The following GXYLT1 variants were observed in gnomAD, a reference collection of about 807,000 sequenced individuals.
GXYLT1 encodes glycosyltransferase 8 domain containing 3.
GXYLT1 carries 29 observed loss-of-function variants against 54.0 expected under a neutral mutation model. That is an observed-to-expected ratio of 0.54 (90% confidence interval 0.40 to 0.73). The LOEUF is 0.73. GXYLT1 is among the 30% of genes least tolerant of loss of function. GXYLT1 has a pLI of 0.00. For synonymous variants in GXYLT1, 176 were observed against 204.1 expected (o/e 0.86, Z 1.17); for missense variants, 490 against 553.4 (o/e 0.89, Z 1.15).
At chr12:42,114,300 A>G (rs1330868835) in intron 3 of GXYLT1, among the ~76,000 whole-genome samples, 3 of 152,256 alleles carry the variant, frequency 2.0e-5, no homozygotes, top group African/African-American at 7.2e-5. Context: ...TGAAGGAAAC[A>G]GAGACACAAA....
intron 2 of GXYLT1, among the ~76,000 whole-genome samples, chr12:42,128,199 T>C (rs1026677756): frequency 6.6e-6 from 1 of 152,124 alleles, no homozygotes; most frequent in Admixed American, 6.5e-5. Flanking sequence ...CACAGCAAGG[T>C]GTCTACAGAT....
chr12:42,106,050 T>G lies in GXYLT1; in HGVS notation c.632A>C (p.Asp211Ala). Residue 211 changes from aspartate to alanine, a missense_variant, in exon 5 of 8, where the codon GAC becomes GCC. Around this residue, in one of 2 missense-constraint regions of GXYLT1, gnomAD observed 342 missense variants for 342.6 expected, o/e 1.00. Transcript: ENST00000398675. ...ATCAGTGTCGACATACAATAGTGAG[T>G]CAACTTCTTTCAGGATTAACTACAA... Reference protein sequence around the residue: ...LFLPLILKEVDSLLYVDTDIL... With the variant: ...LFLPLILKEVASLLYVDTDIL... 6.2e-7 allele frequency: 1 copy of G among 1,604,730 alleles called. No individual in the cohort carries two copies. Among genetic ancestry groups the G allele is most frequent in the African/African-American group, 1.3e-5 (1 of 74,816 alleles).
intron 3 of GXYLT1, among the ~76,000 whole-genome samples, chr12:42,110,445 A>C (rs1224640134): frequency 6.6e-6 from 1 of 152,240 alleles, no homozygotes; most frequent in East Asian, 1.9e-4. Flanking sequence ...CTTTTGAATT[A>C]TGATAGTGTT....
At chr12:42,132,116 C>T (rs2065596654) in intron 1 of GXYLT1, among the ~76,000 whole-genome samples, 1 of 152,124 alleles carries the variant, frequency 6.6e-6, no homozygotes, top group African/African-American at 2.4e-5. Context: ...TCAACTTGTA[C>T]TTTAAGTTAC....
intron 3 of GXYLT1, among the ~76,000 whole-genome samples, chr12:42,116,841 T>C (rs989567858): frequency 6.6e-6 from 1 of 152,138 alleles, no homozygotes; most frequent in African/African-American, 2.4e-5. Context: ...ATGTTTATTG[T>C]GGCACTATTC....
intron 1 of GXYLT1, among the ~76,000 whole-genome samples, chr12:42,138,678 G>A (rs577574432): frequency 6.6e-5 from 10 of 152,104 alleles, no homozygotes; most frequent in South Asian, 2.1e-4. Flanking sequence ...AAGTTTATAC[G>A]TAGGGGAAGT....
chr12:42,100,029 A>T (rs2065380799), intron 5 of GXYLT1, among the ~76,000 whole-genome samples: 1 of 152,182 alleles, frequency 6.6e-6, no homozygotes, highest in Non-Finnish European at 1.5e-5. Flanking sequence ...TACTGAATTT[A>T]GTGCTTTTTC....
At chr12:42,111,343 C>T (rs1052699860) in intron 3 of GXYLT1, among the ~76,000 whole-genome samples, 3 of 152,204 alleles carry the variant, frequency 2.0e-5, no homozygotes, top group Non-Finnish European at 4.4e-5. Context: ...TCGCCTCACC[C>T]GGGAAGAGCA....
intron 3 of GXYLT1, among the ~76,000 whole-genome samples, chr12:42,110,317 T>A: frequency 6.6e-6 from 1 of 152,236 alleles, no homozygotes; most frequent in East Asian, 1.9e-4. Context: ...TCAGTTTAAG[T>A]ATTATCTCTC....
chr12:42,108,675 G>C (rs1411188525), intron 4 of GXYLT1, among the ~76,000 whole-genome samples: 2 of 152,070 alleles, frequency 1.3e-5, no homozygotes, highest in Non-Finnish European at 2.9e-5. Context: ...TGGTTAGACT[G>C]ACTTTTTTAT....
intron 2 of GXYLT1, among the ~76,000 whole-genome samples, chr12:42,126,469 A>G (rs1165156299): frequency 6.6e-6 from 1 of 152,226 alleles, no homozygotes; most frequent in African/African-American, 2.4e-5. Context: ...TTTTAAAGAC[A>G]TAAAGCCAGG....
intron 1 of GXYLT1, among the ~76,000 whole-genome samples, chr12:42,139,262 T>TTCCTCCTCCAAAAGCACA (rs2065638491): frequency 6.6e-6 from 1 of 152,152 alleles, no homozygotes; most frequent in African/African-American, 2.4e-5. Context: ...ACCAAGTAAC[T>TTCCTCCTCCAAAAGCACA]TTCTCCTCCA....
At chr12:42,126,561 C>A (rs2065563578) in intron 2 of GXYLT1, among the ~76,000 whole-genome samples, 1 of 152,126 alleles carries the variant, frequency 6.6e-6, no homozygotes, top group East Asian at 1.9e-4. Flanking sequence ...AATATGAAGA[C>A]CATACTACAC....
intron 1 of GXYLT1, among the ~76,000 whole-genome samples, chr12:42,142,284 C>T (rs527768768): frequency 6.6e-6 from 1 of 151,934 alleles, no homozygotes; most frequent in African/African-American, 2.4e-5. Context: ...ATGATTTATA[C>T]ATGAAGAGGT....
intron 7 of GXYLT1, among the ~76,000 whole-genome samples, chr12:42,092,788 C>G (rs531508801): frequency 2.0e-5 from 3 of 152,086 alleles, no homozygotes; most frequent in Non-Finnish European, 4.4e-5. Context: ...CTTTTGGCTT[C>G]CCTAGGCCAC....
In GXYLT1 at chr12:42,087,856, T is replaced by TA; in HGVS notation, c.1252dup (p.Tyr418LeufsTer61). The TA allele has an allele frequency of 6.2e-7, 1 of 1,605,366 alleles. No individual in the cohort carries two copies. Among genetic ancestry groups the TA allele is most frequent in the African/African-American group, 1.3e-5 (1 of 74,814 alleles). ...TGCTAGTTGTTTGATAAATATTTTG[T>TA]AAATTTTTCCACAGTATGTATGCAC... On this transcript the variant is annotated frameshift_variant, in exon 8 of 8. Coordinates refer to ENST00000398675, the MANE Select transcript of GXYLT1 (RefSeq NM_173601.2). LOFTEE classifies it high-confidence loss of function.
In GXYLT1 at chr12:42,110,198, C is replaced by T. The variant is rs111665412; in HGVS notation, c.487-507G>A. 7.5e-3 allele frequency among the ~76,000 whole-genome samples: 1,140 copies of T among 152,238 alleles called. 17 individuals are homozygous for T. Among genetic ancestry groups the T allele is most frequent in the African/African-American group, 0.026 (1,073 of 41,550 alleles). On this transcript the variant is annotated intron_variant, in intron 3 of 7. Coordinates refer to ENST00000398675, the MANE Select transcript of GXYLT1 (RefSeq NM_173601.2). ...GAATATTCTGATACATAGCCAATGC[C>T]AATTTTTTAAAAATTATTACAAAAA...
intron 2 of GXYLT1, among the ~76,000 whole-genome samples, chr12:42,122,955 T>C (rs980269577): frequency 1.3e-5 from 2 of 152,276 alleles, no homozygotes; most frequent in African/African-American, 4.8e-5. Context: ...CAATATCCCA[T>C]GCAGTAATCC....
At chr12:42,112,094 G>C (rs903981554) in intron 3 of GXYLT1, among the ~76,000 whole-genome samples, 2 of 152,192 alleles carry the variant, frequency 1.3e-5, no homozygotes, top group Non-Finnish European at 2.9e-5. Flanking sequence ...CTGTCTGGTA[G>C]AAGGAAAACT....
Sources: gnomAD v4.1 joint callset for allele counts (sites outside exome capture counted in the v4.1 genomes callset) on GRCh38, gnomAD v4.1.1 for gene constraint, gnomAD v4.1.1 regional missense constraint, MANE v1.5 for transcripts, NCBI Gene and HGNC (gene_info 2026-07-23, HGNC 2026-07-21) for gene names.